MUCL3: variants seen among roughly 807,000 people sequenced by gnomAD.
MUCL3 encodes the protein mucin like 3.
In MUCL3, 42 loss-of-function variants were observed where a neutral mutation model predicts 70.2. The observed-to-expected ratio is 0.60, with a 90% CI of 0.47 to 0.77. MUCL3 has a LOEUF of 0.77. MUCL3 is among the 30% of genes least tolerant of loss of function. The pLI, the probability that MUCL3 is intolerant of heterozygous loss-of-function variation, is 0.00. For missense variants in MUCL3, 1,429 were observed against 1,670.0 expected, an observed-to-expected ratio of 0.86 and a Z score of 2.52; for synonymous variants, 522 against 647.0, an observed-to-expected ratio of 0.81 and a Z score of 2.93.
intron 1 of MUCL3, among the ~76,000 whole-genome samples, chr6:30,942,711 C>T (rs1795628676): frequency 6.6e-6 from 1 of 152,224 alleles, no homozygotes; most frequent in East Asian, 1.9e-4. Flanking sequence ...TCCTCTCAGG[C>T]GGATTGTCCA....
rs1760653463 is a variant in MUCL3 at position 30,951,084 on chromosome 6, C to T, written c.2620C>T (p.Leu874=). Residue 874 remains leucine, a synonymous_variant, in exon 2 of 3, where the codon CTA becomes TTA. Coordinates refer to ENST00000462446, the MANE Select transcript of MUCL3 (RefSeq NM_080870.4). Reference sequence around the variant, plus strand: ...ATGGACAGCCAATGAGAACACCACACTATCCCCAGCAGAGCCTACAGAACA... The same window carrying T: ...ATGGACAGCCAATGAGAACACCACATTATCCCCAGCAGAGCCTACAGAACA... ...REWTANENTT[L]SPAEPTEHEE... 1 of 1,550,906 alleles carries T rather than the reference C, an allele frequency of 6.4e-7. No individual in the cohort carries two copies. Among genetic ancestry groups the T allele is most frequent in the Non-Finnish European group, 8.7e-7 (1 of 1,146,846 alleles).
At chr6:30,944,025 T>C (rs1795685995) in intron 1 of MUCL3, among the ~76,000 whole-genome samples, 1 of 152,160 alleles carries the variant, frequency 6.6e-6, no homozygotes, top group Non-Finnish European at 1.5e-5. Flanking sequence ...ATTGAACTCA[T>C]ACTGTATAGG....
chr6:30,952,096 AC>A lies in MUCL3; in HGVS notation c.3634del (p.Leu1212TrpfsTer6). 6.2e-7 allele frequency: 1 copy of A among 1,607,948 alleles called. No individual in the cohort carries two copies. Reference protein sequence around the residue: ...NTPVPEKPTENLGNTTLTTET... With the variant: ...NTPVPEKPTEXLGNTTLTTET... ...CCAGTCCCAGAAAAGCCTACAGAAAACCTGGGGAACACCACACTGACCACTG... is the reference window on the plus strand; with the variant it reads ...CCAGTCCCAGAAAAGCCTACAGAAAACTGGGGAACACCACACTGACCACTG... On this transcript the variant is annotated frameshift_variant, in exon 2 of 3. Transcript: ENST00000462446. LOFTEE classifies it high-confidence loss of function.
At chr6:30,947,084 T>TGGA (rs944894335) in intron 1 of MUCL3, among the ~76,000 whole-genome samples, 2 of 152,200 alleles carry the variant, frequency 1.3e-5, no homozygotes, top group African/African-American at 4.8e-5. Flanking sequence ...AAGAGCCTTA[T>TGGA]GGAGCATTGG....
chr6:30,953,036 T>C lies in MUCL3; in HGVS notation c.4101T>C (p.Asp1367=), dbSNP rs1449414132. 6.2e-7 allele frequency: 1 copy of C among 1,614,118 alleles called. No homozygotes were observed. Among genetic ancestry groups the C allele is most frequent in the African/African-American group, 1.3e-5 (1 of 74,942 alleles). Reference sequence around the variant, plus strand: ...ACACCCAGTACAATGATGCAGAGGATGAGGGTGGCCCCAATTCCTACCCGG... The same window carrying C: ...ACACCCAGTACAATGATGCAGAGGACGAGGGTGGCCCCAATTCCTACCCGG... The part of the protein sequence containing the change: ...TQNTQYNDAE[D]EGGPNSYPVY... Residue 1367 remains aspartate, a synonymous_variant, in exon 3 of 3, where the codon GAT becomes GAC. Coordinates refer to ENST00000462446, the MANE Select transcript of MUCL3 (RefSeq NM_080870.4).
intron 1 of MUCL3, among the ~76,000 whole-genome samples, chr6:30,946,533 T>C (rs557339067): frequency 3.9e-5 from 6 of 152,218 alleles, no homozygotes; most frequent in Non-Finnish European, 8.8e-5. Context: ...CAGTGAAAAG[T>C]CTAATTTTGC....
intron 1 of MUCL3, among the ~76,000 whole-genome samples, chr6:30,943,085 AG>A (rs979172065): frequency 3.9e-5 from 6 of 152,248 alleles, no homozygotes; most frequent in African/African-American, 1.2e-4. Flanking sequence ...GCAGAGAGAG[AG>A]GCCAGGGCAG....
chr6:30,952,831 A>G, intron 2 of MUCL3, 140 bp from the exon 3 acceptor site: 1 of 1,174,172 alleles, frequency 8.5e-7, no homozygotes, highest in South Asian at 1.6e-5. Flanking sequence ...TGGAGCTGGG[A>G]CTCATTGTAT....
chr6:30,945,473 T>TAAAA (rs11441516), intron 1 of MUCL3, among the ~76,000 whole-genome samples: 4 of 114,140 alleles, frequency 3.5e-5, no homozygotes, highest in African/African-American at 6.8e-5. Flanking sequence ...CCCTGCGTCT[T>TAAAA]AAAAAAAAAA....
chr6:30,950,624 G>C lies in MUCL3; in HGVS notation c.2160G>C (p.Glu720Asp). The change falls in exon 2 of 3, where the codon GAG (glutamate) becomes GAC (aspartate). Residue 720 changes from glutamate (E) to aspartate (D), a missense_variant. Glu to Asp is a conservative substitution (Grantham distance 45). Coordinates refer to ENST00000462446, the MANE Select transcript of MUCL3 (RefSeq NM_080870.4). ...AGAACACCACACTATCCCCAGCAGA[G>C]CCTACAGAAAATAGAGAAAGGACAG... is the stretch of plus-strand genomic sequence containing the variant. ...ANENTTLSPA[E>D]PTENRERTAN... 1 of 1,536,352 alleles carries C rather than the reference G, an allele frequency of 6.5e-7. No homozygotes were observed. The highest frequency in any genetic ancestry group is 2.0e-5 in the Admixed American group (1 of 50,220).
chr6:30,948,787 A>G lies in MUCL3; in HGVS notation c.323A>G (p.His108Arg). The G allele has an allele frequency of 6.4e-7, 1 of 1,551,698 alleles. No individual in the cohort carries two copies. The highest frequency in any genetic ancestry group is 1.2e-5 in the South Asian group (1 of 84,066). ...ACAGGCAACTCCAAAACTATAGACC[A>G]CAAAAGCTCTACAGATAATCATGAG... ...KPTGNSKTIDHKSSTDNHEAP... is the reference protein window; with the variant it reads ...KPTGNSKTIDRKSSTDNHEAP... Residue 108 changes from histidine (H) to arginine (R), a missense_variant, in exon 2 of 3, where the codon CAC becomes CGC. Physicochemically the swap from His to Arg is conservative, Grantham distance 29 (BLOSUM62 0). Coordinates refer to ENST00000462446, the MANE Select transcript of MUCL3 (RefSeq NM_080870.4).
chr6:30,941,050 C>T lies in MUCL3; in HGVS notation c.51C>T (p.Cys17=), dbSNP rs759895115. The T allele has an allele frequency of 7.7e-6, 12 of 1,550,792 alleles. No homozygotes were observed. Among genetic ancestry groups the T allele is most frequent in the Non-Finnish European group, 9.6e-6 (11 of 1,146,998 alleles). ...GCTCCGCCTTTGGCCTCCAGTGCTGCCTCCTCTTCCTTCTAGCTTCTTGGG... is the reference window on the plus strand; with the variant it reads ...GCTCCGCCTTTGGCCTCCAGTGCTGTCTCCTCTTCCTTCTAGCTTCTTGGG... ...SLCSAFGLQC[C]LLFLLASWGA... Residue 17 remains cysteine, a synonymous_variant, in exon 1 of 3, where the codon TGC becomes TGT. Coordinates refer to ENST00000462446, the MANE Select transcript of MUCL3 (RefSeq NM_080870.4).
rs538616347 is a variant in MUCL3, at chr6:30,948,983, A to G, written c.519A>G (p.Thr173=). 1.2e-5 allele frequency: 19 copies of G among 1,551,722 alleles called. No individual in the cohort carries two copies. The African/African-American group carries it at 2.3e-4, about 19-fold the overall frequency. ...AAATAAACTGTCGTAAGTCCACAACAGGCAAATCAACGGTAACAAGAAAAT... is the reference window on the plus strand; with the variant it reads ...AAATAAACTGTCGTAAGTCCACAACGGGCAAATCAACGGTAACAAGAAAAT... ...KSKINCRKST[T]GKSTVTRKSD... is the part of the protein sequence containing the mutation. Residue 173 remains threonine (T), a synonymous_variant, in exon 2 of 3, where the codon ACA becomes ACG. Transcript: ENST00000462446.
At chr6:30,943,394 G>A (rs946193408) in intron 1 of MUCL3, among the ~76,000 whole-genome samples, 4 of 152,236 alleles carry the variant, frequency 2.6e-5, no homozygotes, top group East Asian at 3.9e-4. Context: ...GGGAGCACAG[G>A]TGCAGTCTAG....
At position 30,950,440 on chromosome 6, in the gene MUCL3, A is replaced by G. The variant is rs757408543; in HGVS notation, c.1976A>G (p.Glu659Gly). ...GAGAAGACCACACTATTCCCAGCAG[A>G]GCCTACAGAAAATAGAGAAAGGACA... ...ANEKTTLFPA[E>G]PTENRERTAN... The change falls in exon 2 of 3, where the codon GAG becomes GGG. Residue 659 changes from glutamate (E) to glycine (G), a missense_variant. Coordinates refer to ENST00000462446, the MANE Select transcript of MUCL3 (RefSeq NM_080870.4). 2 of 1,549,492 alleles carry G rather than the reference A, an allele frequency of 1.3e-6. No individual in the cohort carries two copies. Among genetic ancestry groups the G allele is most frequent in the Non-Finnish European group, 1.7e-6 (2 of 1,146,696 alleles).
intron 1 of MUCL3, among the ~76,000 whole-genome samples, chr6:30,947,089 C>T (rs1329110368): frequency 5.3e-5 from 8 of 152,078 alleles, no homozygotes; most frequent in Non-Finnish European, 1.5e-5. Flanking sequence ...CCTTATGGAG[C>T]ATTGGGAGAT....
chr6:30,953,165 C>T lies in MUCL3; in HGVS notation c.*48C>T, dbSNP rs773386820. ...TGGCTCTTCCATGCTCTGCCCCTTTCCTGGATGAGGAACCGGACTCACAAT... is the reference window on the plus strand; with the variant it reads ...TGGCTCTTCCATGCTCTGCCCCTTTTCTGGATGAGGAACCGGACTCACAAT... On this transcript the variant is annotated 3_prime_UTR_variant, in exon 3 of 3. Transcript: ENST00000462446. 5 of 1,597,856 alleles carry T rather than the reference C, an allele frequency of 3.1e-6. No individual in the cohort carries two copies. The highest frequency in any genetic ancestry group is 2.6e-6 in the Non-Finnish European group (3 of 1,174,440).
chr6:30,941,897 T>C (rs1392779858), intron 1 of MUCL3, among the ~76,000 whole-genome samples: 1 of 152,100 alleles, frequency 6.6e-6, no homozygotes, highest in Non-Finnish European at 1.5e-5. Flanking sequence ...CCAGCTCCAC[T>C]GCCCCCAGCC....
rs1562491126 is a variant in MUCL3, at chr6:30,949,929, G to A, written c.1465G>A (p.Glu489Lys). ...PTENRETTAN[E>K]KTTPSPAEPT... is the part of the protein sequence containing the mutation. ...AGAAAATAGAGAAACAACAGCCAAT[G>A]AGAAGACCACACCATCCCCAGCAGA... The change falls in exon 2 of 3, where the codon GAG (glutamate) becomes AAG (lysine). Residue 489 changes from glutamate (E) to lysine (K), a missense_variant. Coordinates refer to ENST00000462446, the MANE Select transcript of MUCL3 (RefSeq NM_080870.4). 6.4e-7 allele frequency: 1 copy of A among 1,550,884 alleles called. No individual in the cohort carries two copies. The highest frequency in any genetic ancestry group is 1.2e-5 in the South Asian group (1 of 84,000).
Sources: gnomAD v4.1 joint callset for allele counts (sites outside exome capture counted in the v4.1 genomes callset) on GRCh38, gnomAD v4.1.1 for gene constraint, MANE v1.5 for transcripts, NCBI Gene and HGNC (gene_info 2026-07-23, HGNC 2026-07-21) for gene names.